The following TAFA5 variants were observed in gnomAD, a reference collection of about 807,000 sequenced individuals.
TAFA5 encodes chemokine-like protein TAFA-5.
Under a neutral mutation model 15.3 loss-of-function variants are expected in TAFA5, and 6 were observed. The observed-to-expected ratio is 0.39, with a 90% CI of 0.21 to 0.77. TAFA5 has a LOEUF of 0.77. TAFA5 is among the 30% of genes least tolerant of loss of function. The pLI is 0.41. For missense variants in TAFA5, 161 were observed against 193.1 expected (o/e 0.83, Z 0.98); for synonymous variants, 103 against 80.7 (o/e 1.28, Z -1.48).
chr22:48,745,493 G>A lies in TAFA5; in HGVS notation c.391-4346G>A, dbSNP rs534847432. On this transcript the variant is annotated intron_variant, in intron 3 of 3. Coordinates refer to ENST00000402357, the MANE Select transcript of TAFA5 (RefSeq NM_001082967.3). ...TTTGTCGTTGGCGGCTGGCCTGTCC[G>A]GGGTTCACCCTGAGCATGGGCACAC... 1.2e-3 allele frequency among the ~76,000 whole-genome samples: 168 copies of A among 140,332 alleles called. 1 individual carries two copies. The highest frequency in any genetic ancestry group is 4.0e-3 in the African/African-American group (151 of 37,414). 92.1% of individuals were successfully genotyped at this position (140,332 alleles called of 152,430 possible). A position where few individuals can be genotyped will look rare whatever the true frequency, so the allele number is the denominator to read the frequency against.
intron 1 of TAFA5, among the ~76,000 whole-genome samples, chr22:48,561,960 G>A (rs970838795): frequency 2.0e-5 from 3 of 152,236 alleles, no homozygotes; most frequent in South Asian, 2.1e-4. Context: ...CACCCTGCCC[G>A]GCCTCAGGCT....
intron 1 of TAFA5, among the ~76,000 whole-genome samples, chr22:48,569,413 G>A (rs1028127852): frequency 2.0e-5 from 3 of 152,190 alleles, no homozygotes; most frequent in African/African-American, 4.8e-5. Flanking sequence ...TCTCCGGGGG[G>A]TCTGGGCGCC....
chr22:48,608,236 A>G (rs1925270689), intron 1 of TAFA5, among the ~76,000 whole-genome samples: 1 of 152,150 alleles, frequency 6.6e-6, no homozygotes, highest in Non-Finnish European at 1.5e-5. Context: ...TTTAGGAAAT[A>G]CAGAAACACC....
At chr22:48,748,344 G>A (rs941704818) in intron 3 of TAFA5, among the ~76,000 whole-genome samples, 1 of 152,228 alleles carries the variant, frequency 6.6e-6, no homozygotes, top group Non-Finnish European at 1.5e-5. Context: ...CCGAGCGCCC[G>A]TGGACCCAGC....
intron 1 of TAFA5, chr22:48,544,491 T>C (rs1041447774): frequency 2.7e-6 from 1 of 364,380 alleles, no homozygotes; most frequent in South Asian, 2.0e-5. Context: ...TATGCAGACC[T>C]CTGCACCACA....
At chr22:48,642,666 TG>T (rs1376345306) in intron 1 of TAFA5, among the ~76,000 whole-genome samples, 2 of 152,046 alleles carry the variant, frequency 1.3e-5, no homozygotes, top group Non-Finnish European at 2.9e-5. Context: ...GTGTGGTCTG[TG>T]TGTGTGGAGT....
chr22:48,523,202 C>T (rs554552806), intron 1 of TAFA5, among the ~76,000 whole-genome samples: 36 of 152,352 alleles, frequency 2.4e-4, no homozygotes, highest in East Asian at 1.7e-3. Context: ...CTGCTGGAGG[C>T]GGGCTCGGCT....
At chr22:48,679,203 C>T (rs1193482219) in intron 2 of TAFA5, among the ~76,000 whole-genome samples, 1 of 121,312 alleles carries the variant, frequency 8.2e-6, no homozygotes, top group African/African-American at 3.7e-5. Context: ...CCATCCCTCT[C>T]CCGGCTCCCC....
intron 2 of TAFA5, among the ~76,000 whole-genome samples, chr22:48,675,011 G>A (rs9617420): frequency 9.9e-5 from 15 of 151,124 alleles, no homozygotes; most frequent in East Asian, 5.9e-4. Flanking sequence ...GCGCGATCTC[G>A]GCTCACTGCA....
intron 1 of TAFA5, among the ~76,000 whole-genome samples, chr22:48,634,676 CTCAG>C (rs66770055): frequency 0.24 from 36,035 of 152,062 alleles, 4,371 homozygotes; most frequent in South Asian, 0.27. Context: ...CACTGAGTCA[CTCAG>C]TCAATCACTC....
intron 1 of TAFA5, among the ~76,000 whole-genome samples, chr22:48,593,175 G>T (rs28485396): frequency 0.32 from 49,349 of 152,186 alleles, 11,590 homozygotes; most frequent in African/African-American, 0.67. Flanking sequence ...TTCCCAGCTT[G>T]ACGTCCTGAG....
intron 1 of TAFA5, among the ~76,000 whole-genome samples, chr22:48,551,562 T>C (rs1361105295): frequency 1.3e-5 from 2 of 152,224 alleles, no homozygotes; most frequent in Non-Finnish European, 2.9e-5. Flanking sequence ...AACTCCTTGA[T>C]ATTTGGCTTA....
At chr22:48,642,819 G>T (rs948695492) in intron 1 of TAFA5, among the ~76,000 whole-genome samples, 1 of 152,098 alleles carries the variant, frequency 6.6e-6, no homozygotes, top group African/African-American at 2.4e-5. Context: ...GTGCACGTGT[G>T]TGGTGTGTGT....
intron 3 of TAFA5, among the ~76,000 whole-genome samples, chr22:48,745,940 C>T (rs767075447): frequency 5.3e-5 from 8 of 152,122 alleles, no homozygotes; most frequent in South Asian, 2.1e-4. Context: ...TGCGTGAGAG[C>T]GGGAGCTGCC....
intron 1 of TAFA5, among the ~76,000 whole-genome samples, chr22:48,519,912 C>T (rs1569166071): frequency 1.3e-5 from 2 of 152,206 alleles, no homozygotes; most frequent in South Asian, 4.1e-4. Flanking sequence ...ATTCATGTCC[C>T]CTGGAACCTC....
At chr22:48,511,903 C>T (rs1921227426) in intron 1 of TAFA5, among the ~76,000 whole-genome samples, 1 of 152,242 alleles carries the variant, frequency 6.6e-6, no homozygotes, top group African/African-American at 2.4e-5. Flanking sequence ...GAAAGGGCTA[C>T]AGATGCGGAA....
chr22:48,490,901 G>A lies in TAFA5; in HGVS notation c.112+1197G>A, dbSNP rs1248168855. Reference sequence around the variant, plus strand: ...CCGCTGTCGCCAAAATGAGAGCACAGTGGCCCAGGGAGACCCGGGCAGCCG... The same window carrying A: ...CCGCTGTCGCCAAAATGAGAGCACAATGGCCCAGGGAGACCCGGGCAGCCG... On this transcript the variant is annotated intron_variant, in intron 1 of 3. Transcript: ENST00000402357. This position sits in a 1 kb window ranked among gnomAD's most constrained non-coding sequence, Gnocchi z 5.8. Among the ~76,000 whole-genome samples, 4 of 152,114 alleles carry A rather than the reference G, an allele frequency of 2.6e-5. No homozygotes were observed. Among genetic ancestry groups the A allele is most frequent in the Non-Finnish European group, 5.9e-5 (4 of 68,020 alleles).
intron 1 of TAFA5, among the ~76,000 whole-genome samples, chr22:48,542,313 TATGTGTGTGTG>T (rs1183896681): frequency 8.5e-5 from 11 of 129,856 alleles, no homozygotes; most frequent in African/African-American, 2.4e-4. Flanking sequence ...GTGTAGTGTG[TATGTGTGTGTG>T]ATGTGTGTGG....
At chr22:48,529,439 TC>T (rs1392706674) in intron 1 of TAFA5, among the ~76,000 whole-genome samples, 3 of 62,932 alleles carry the variant, frequency 4.8e-5, no homozygotes, top group Non-Finnish European at 6.0e-5. Context: ...GATGGGGGTG[TC>T]CAGGCAGGAG....
Sources: allele counts gnomAD v4.1 joint callset (sites outside exome capture counted in the v4.1 genomes callset), GRCh38; gene constraint gnomAD v4.1.1; non-coding constraint Gnocchi (gnomAD v3.1); transcripts MANE v1.5; gene names NCBI Gene and HGNC (gene_info 2026-07-23, HGNC 2026-07-21).